ELK3: variants seen among roughly 807,000 people sequenced by gnomAD.
ELK3 encodes ETS domain-containing protein Elk-3.
A neutral mutation model predicts 28.9 loss-of-function variants in ELK3; 10 were observed. The ratio of observed to expected loss-of-function variants is 0.35; its 90% CI spans 0.21 to 0.59. ELK3 has a LOEUF of 0.59. ELK3 is among the 20% of genes least tolerant of loss of function. The pLI is 0.82. For missense variants in ELK3, 463 were observed against 517.3 expected, an observed-to-expected ratio of 0.90 and a Z score of 1.02; for synonymous variants, 272 against 243.5, an observed-to-expected ratio of 1.12 and a Z score of -1.09.
chr12:96,200,505 T>G (rs1951501769), intron 1 of ELK3, among the ~76,000 whole-genome samples: 1 of 152,122 alleles, frequency 6.6e-6, no homozygotes, highest in South Asian at 2.1e-4. Context: ...GTTTTTTGGC[T>G]TATGTATTTA....
At chr12:96,261,104 T>C (rs1951989698) in intron 4 of ELK3, among the ~76,000 whole-genome samples, 2 of 152,180 alleles carry the variant, frequency 1.3e-5, no homozygotes, top group Admixed American at 6.5e-5. Context: ...TCATTTTGCT[T>C]GTCAAGGTTA....
At chr12:96,240,064 A>C (rs73223924) in intron 2 of ELK3, among the ~76,000 whole-genome samples, 3 of 152,342 alleles carry the variant, frequency 2.0e-5, no homozygotes, top group Non-Finnish European at 4.4e-5. Flanking sequence ...GTGGATGTCA[A>C]GTGCTGGCCG....
chr12:96,253,714 T>G (rs1200775603), intron 3 of ELK3, among the ~76,000 whole-genome samples: 1 of 152,220 alleles, frequency 6.6e-6, no homozygotes, highest in East Asian at 1.9e-4. Flanking sequence ...TCTTAGAGAC[T>G]GAGTGACTTA....
chr12:96,209,333 C>T (rs79665775), intron 1 of ELK3, among the ~76,000 whole-genome samples: 2,691 of 152,030 alleles, frequency 0.018, 69 homozygotes, highest in African/African-American at 0.061. Context: ...CCCAGAAAGA[C>T]GCCTCTAAAG....
chr12:96,223,359 C>T (rs1951676542), intron 1 of ELK3, among the ~76,000 whole-genome samples: 1 of 152,170 alleles, frequency 6.6e-6, no homozygotes, highest in Non-Finnish European at 1.5e-5. Context: ...CCCTGTATTT[C>T]TGAATTGTGG....
At chr12:96,204,778 G>A (rs55948442) in intron 1 of ELK3, among the ~76,000 whole-genome samples, 1,946 of 152,286 alleles carry the variant, frequency 0.013, 39 homozygotes, top group African/African-American at 0.044. Context: ...AAAAGGAGGT[G>A]TAAATGTTAG....
At chr12:96,219,966 C>T (rs1951650775) in intron 1 of ELK3, among the ~76,000 whole-genome samples, 1 of 152,170 alleles carries the variant, frequency 6.6e-6, no homozygotes, top group Non-Finnish European at 1.5e-5. Flanking sequence ...ACAGGAGAGG[C>T]TGGAGCCCTT....
At chr12:96,235,173 C>T (rs901647993) in intron 2 of ELK3, among the ~76,000 whole-genome samples, 6 of 151,850 alleles carry the variant, frequency 4.0e-5, no homozygotes, top group Non-Finnish European at 7.4e-5. Flanking sequence ...CATCTCACCC[C>T]AACCCAACTG....
intron 2 of ELK3, among the ~76,000 whole-genome samples, chr12:96,241,286 AT>A (rs1331866082): frequency 1.3e-5 from 2 of 152,218 alleles, no homozygotes; most frequent in Non-Finnish European, 2.9e-5. Flanking sequence ...GGTAAATCTA[AT>A]TCCATATGCA....
chr12:96,231,640 G>A (rs187024321), intron 2 of ELK3, among the ~76,000 whole-genome samples: 7 of 152,238 alleles, frequency 4.6e-5, no homozygotes, highest in South Asian at 2.1e-4. Flanking sequence ...TTACAGGTGC[G>A]TCCCACCATT....
rs572373940 is a variant in ELK3 at position 96,218,211 on chromosome 12, C to T, written c.-2-5354C>T. ...CAGTGCTGGTAGAAATGGTGAGAGA[C>T]CAGCCAGAGACGGGAAGGCCCTGCA... On this transcript the variant is annotated intron_variant, in intron 1 of 4. Transcript: ENST00000228741. Among the ~76,000 whole-genome samples the T allele has an allele frequency of 3.3e-5, 5 of 152,218 alleles. No individual in the cohort carries two copies. The East Asian group carries it at 7.7e-4, about 24-fold the overall frequency.
chr12:96,219,839 A>G (rs1485445642), intron 1 of ELK3, among the ~76,000 whole-genome samples: 5 of 152,236 alleles, frequency 3.3e-5, no homozygotes, highest in Non-Finnish European at 5.9e-5. Context: ...CGGGAAGGCT[A>G]CATGACTGCC....
chr12:96,248,693 C>T (rs1951878302), intron 3 of ELK3, among the ~76,000 whole-genome samples: 1 of 152,162 alleles, frequency 6.6e-6, no homozygotes, highest in African/African-American at 2.4e-5. Flanking sequence ...CCGTCCCCTG[C>T]CTCTGTAATC....
chr12:96,212,466 C>T lies in ELK3; in HGVS notation c.-2-11099C>T, dbSNP rs11108441. On this transcript the variant is annotated intron_variant, in intron 1 of 4. Coordinates refer to ENST00000228741, the MANE Select transcript of ELK3 (RefSeq NM_005230.4). Reference sequence around the variant, plus strand: ...TTGTAGGAACCTCTGTTTTTTATAGCCCCACTCATCTTTCAAGACATGGTC... The same window carrying T: ...TTGTAGGAACCTCTGTTTTTTATAGTCCCACTCATCTTTCAAGACATGGTC... 1.2e-3 allele frequency among the ~76,000 whole-genome samples: 182 copies of T among 152,284 alleles called. 1 individual carries two copies. The highest frequency in any genetic ancestry group is 3.9e-3 in the African/African-American group (164 of 41,542).
chr12:96,207,191 C>T (rs755842247), intron 1 of ELK3, among the ~76,000 whole-genome samples: 1 of 152,202 alleles, frequency 6.6e-6, no homozygotes, highest in Non-Finnish European at 1.5e-5. Flanking sequence ...TTTACCTTAA[C>T]ACCACTGTGT....
intron 1 of ELK3, among the ~76,000 whole-genome samples, chr12:96,216,149 T>C (rs1223351501): frequency 6.6e-6 from 1 of 152,202 alleles, no homozygotes; most frequent in African/African-American, 2.4e-5. Flanking sequence ...TGAGCGGTGT[T>C]GTCATCATTG....
In ELK3 at chr12:96,247,829, A is replaced by G; in HGVS notation, c.1002+95A>G. On this transcript the variant is annotated intron_variant, in intron 3 of 4. Transcript: ENST00000228741. This position sits in a 1 kb window ranked among gnomAD's most constrained non-coding sequence, Gnocchi z 5.5. ...AAGAGACTTCCTTCTGTCCCTCAAA[A>G]CGTTGTCCTATGACTCGTACCGAGG... The G allele has an allele frequency of 7.3e-7, 1 of 1,367,452 alleles. No homozygotes were observed. Among genetic ancestry groups the G allele is most frequent in the South Asian group, 1.5e-5 (1 of 65,590 alleles). The allele number at this position is 1,367,452 out of a possible 1,614,324, so 84.7% of individuals were successfully genotyped here.
chr12:96,234,055 G>A (rs1356713244), intron 2 of ELK3, among the ~76,000 whole-genome samples: 5 of 152,194 alleles, frequency 3.3e-5, no homozygotes, highest in African/African-American at 1.2e-4. Context: ...TGGCTGAACC[G>A]CCTCATGGAG....
At chr12:96,266,245 A>T (rs1308514645) in intron 4 of ELK3, among the ~76,000 whole-genome samples, 1 of 152,226 alleles carries the variant, frequency 6.6e-6, no homozygotes, top group Non-Finnish European at 1.5e-5. Flanking sequence ...CTGTAATTTG[A>T]TATTTGGCGC....
Sources: gnomAD v4.1 joint callset for allele counts (sites outside exome capture counted in the v4.1 genomes callset) on GRCh38, gnomAD v4.1.1 for gene constraint, Gnocchi (gnomAD v3.1) non-coding constraint, MANE v1.5 for transcripts, NCBI Gene and HGNC (gene_info 2026-07-23, HGNC 2026-07-21) for gene names.